Variants in SH3TC1 observed in about 807,000 individuals in gnomAD.
SH3TC1 encodes the protein SH3 domain and tetratricopeptide repeats 1, also known as SH3 domain and tetratricopeptide repeat-containing protein 1.
Under a neutral mutation model 117.3 loss-of-function variants are expected in SH3TC1, and 135 were observed. The ratio of observed to expected loss-of-function variants is 1.15; its 90% CI spans 1.00 to 1.33. The LOEUF is 1.33. SH3TC1 is among the 40% of genes most tolerant of loss of function. The probability of loss-of-function intolerance (pLI) is 0.00; values close to 1 mark genes in which losing one functional copy is unlikely to be tolerated. For missense variants in SH3TC1, 2,092 were observed against 1,794.3 expected (o/e 1.17, Z -3.00); for synonymous variants, 898 against 816.9 (o/e 1.10, Z -1.69).
intron 1 of SH3TC1, among the ~76,000 whole-genome samples, chr4:8,201,878 A>G (rs1328882527): frequency 6.6e-6 from 1 of 152,118 alleles, no homozygotes; most frequent in East Asian, 1.9e-4. Context: ...TGTCCCGGGC[A>G]TCAGCCAGTG....
intron 1 of SH3TC1, among the ~76,000 whole-genome samples, chr4:8,189,911 G>T (rs1038465122): frequency 6.6e-6 from 1 of 152,190 alleles, no homozygotes; most frequent in Admixed American, 6.5e-5. Flanking sequence ...CAAAGGGTGT[G>T]GTCAGCGGGT....
Position 8,227,150 on chromosome 4 carries a change from T to C in SH3TC1, c.1456T>C (p.Cys486Arg), listed in dbSNP as rs542478559. ...SLQDPEEPSF[C>R]LEAEDDWEDP... ...GCAGGACCCCGAGGAGCCCTCCTTC[T>C]GCTTGGAAGCCGAGGACGACTGGGA... Residue 486 changes from cysteine (C) to arginine (R), a missense_variant, in exon 12 of 18, where the codon TGC becomes CGC. By Grantham distance (180) the Cys-to-Arg change is radical. Transcript: ENST00000245105. 69 of 1,610,320 alleles carry C rather than the reference T, an allele frequency of 4.3e-5. 1 individual carries two copies. The South Asian group carries it at 6.6e-4, about 15-fold the overall frequency.
At chr4:8,232,297 GCT>G in intron 13 of SH3TC1, 141 bp downstream of exon 13, 1 of 1,467,628 alleles carries the variant, frequency 6.8e-7, no homozygotes, top group Non-Finnish European at 9.2e-7. Context: ...GATGCTCTGA[GCT>G]GGGGGGCCTG....
intron 13 of SH3TC1, chr4:8,232,403 CA>C (rs1721319081): frequency 6.4e-7 from 1 of 1,574,378 alleles, no homozygotes; most frequent in Non-Finnish European, 8.6e-7. Flanking sequence ...CACACCTCCC[CA>C]AAGGTCATCT....
In SH3TC1 at chr4:8,228,619, C is replaced by T. The variant is rs376880803; in HGVS notation, c.2925C>T (p.Val975=). The T allele has an allele frequency of 5.7e-5, 87 of 1,522,582 alleles. No homozygotes were observed. The African/African-American group carries it at 7.1e-4, about 13-fold the overall frequency. 94.3% of individuals were successfully genotyped at this position (1,522,582 alleles called of 1,614,324 possible). The part of the protein sequence containing the change: ...GKGYYEWALL[V]AVEMGHVESQ... ...GCTACTACGAGTGGGCCCTTCTGGT[C>T]GCCGTGGAGATGGGCCACGTGGAGA... is the stretch of plus-strand genomic sequence containing the variant. The change falls in exon 12 of 18, where the codon GTC becomes GTT. Residue 975 remains valine (V), a synonymous_variant. Transcript: ENST00000245105.
intron 17 of SH3TC1, among the ~76,000 whole-genome samples, chr4:8,239,458 GCACACAGGCATATGCACACATAGGCA>G (rs1722135951): frequency 6.8e-6 from 1 of 146,704 alleles, no homozygotes; most frequent in African/African-American, 2.5e-5. Flanking sequence ...ACACGCAGAT[GCACACAGGCATATGCACACATAGGCA>G]CACACAGGCA....
intron 14 of SH3TC1, among the ~76,000 whole-genome samples, chr4:8,234,124 TCATCCATCCATTTATCCATTCATCCATC>T (rs1175261759): frequency 1.3e-5 from 2 of 148,438 alleles, no homozygotes; most frequent in African/African-American, 5.0e-5. Flanking sequence ...GATCCTTCCA[TCATCCATCCATTTATCCATTCATCCATC>T]CATCCATCCT....
rs1419185659 is a variant in SH3TC1 at position 8,183,621 on chromosome 4, C to A, written c.-57+1411C>A. Among the ~76,000 whole-genome samples the A allele has an allele frequency of 6.6e-6, 1 of 152,218 alleles. No individual in the cohort carries two copies. Among genetic ancestry groups the A allele is most frequent in the Admixed American group, 6.5e-5 (1 of 15,282 alleles). On this transcript the variant is annotated intron_variant, in intron 1 of 16. Coordinates refer to the SH3TC1 transcript ENST00000508641. The surrounding 1 kb of genome is among the most constrained non-coding windows in gnomAD (Gnocchi z 5.4). ...TGTTTTTCTTTTAATAGACTGAATT[C>A]TTTGGAATCCTCTTAGATTTACAAA...
rs1718440399 is a variant in SH3TC1 at position 8,209,130 on chromosome 4, C to T, written c.173-618C>T. On this transcript the variant is annotated intron_variant, in intron 2 of 17. Coordinates refer to ENST00000245105, the MANE Select transcript of SH3TC1 (RefSeq NM_018986.5). This position sits in a 1 kb window ranked among gnomAD's most constrained non-coding sequence, Gnocchi z 5.9. ...GTGAGGCTGAGCCCGTCTGTGGGCT[C>T]AGATAAAGTCCTCCAAAGATGCCCA... Among the ~76,000 whole-genome samples the T allele has an allele frequency of 6.6e-6, 1 of 152,194 alleles. No individual in the cohort carries two copies. The highest frequency in any genetic ancestry group is 1.5e-5 in the Non-Finnish European group (1 of 68,038).
intron 7 of SH3TC1, among the ~76,000 whole-genome samples, chr4:8,217,509 A>G (rs1719420186): frequency 3.9e-5 from 6 of 152,258 alleles, no homozygotes; most frequent in Admixed American, 3.9e-4. Context: ...GAGAAGGCAC[A>G]CGGGACCCAC....
chr4:8,201,705 A>T (rs1236594855), intron 1 of SH3TC1: 1 of 152,274 alleles, frequency 6.6e-6, no homozygotes, highest in African/African-American at 2.4e-5. Context: ...GCTTAGGGTT[A>T]TAACAGCAGG....
chr4:8,199,763 G>A (rs762952898), intron 1 of SH3TC1, among the ~76,000 whole-genome samples: 10 of 152,212 alleles, frequency 6.6e-5, no homozygotes, highest in East Asian at 3.9e-4. Context: ...CAAGTCCAGC[G>A]GATCTCAGGT....
At chr4:8,240,495 T>C (rs962594149) in intron 17 of SH3TC1, among the ~76,000 whole-genome samples, 9 of 152,066 alleles carry the variant, frequency 5.9e-5, no homozygotes, top group African/African-American at 2.2e-4. Context: ...GAGTGGGGTG[T>C]AGGGACAATC....
intron 16 of SH3TC1, 82 bp from the exon 17 acceptor site, chr4:8,237,392 G>A (rs1721912950): frequency 8.0e-6 from 10 of 1,247,920 alleles, no homozygotes; most frequent in South Asian, 1.7e-5. Flanking sequence ...AGTGCCTGGA[G>A]GCGAGCCAGG....
chr4:8,189,440 C>A (rs949481870), intron 1 of SH3TC1, among the ~76,000 whole-genome samples: 6 of 152,184 alleles, frequency 3.9e-5, no homozygotes, highest in African/African-American at 1.4e-4. Context: ...AGGCAACACA[C>A]CGCCGTCACA....
At position 8,192,138 on chromosome 4, in the gene SH3TC1, T is replaced by C. The variant is rs12505145; in HGVS notation, c.-57+9928T>C. 0.18 allele frequency among the ~76,000 whole-genome samples: 27,996 copies of C among 151,946 alleles called. 2,675 individuals are homozygous for C. The highest frequency in any genetic ancestry group is 0.27 in the South Asian group (1,289 of 4,798). Reference sequence around the variant, plus strand: ...CCAAGTAGCTAAGATTACAGGCACCTGCCACCACACTCAGCTAATTTTTGT... The same window carrying C: ...CCAAGTAGCTAAGATTACAGGCACCCGCCACCACACTCAGCTAATTTTTGT... On this transcript the variant is annotated intron_variant, in intron 1 of 16. Transcript: ENST00000508641. The surrounding 1 kb of genome is among the most constrained non-coding windows in gnomAD (Gnocchi z 4.1).
chr4:8,233,314 G>C, intron 13 of SH3TC1, 49 bp from the exon 14 acceptor site: 1 of 1,560,072 alleles, frequency 6.4e-7, no homozygotes, highest in Non-Finnish European at 8.7e-7. Context: ...AGGCAGACTG[G>C]TTCCAGGAGG....
chr4:8,209,514 T>G lies in SH3TC1; in HGVS notation c.173-234T>G. 1 of 805,598 alleles carries G rather than the reference T, an allele frequency of 1.2e-6. No homozygotes were observed. The highest frequency in any genetic ancestry group is 2.0e-6 in the Non-Finnish European group (1 of 510,808). 49.9% of individuals were successfully genotyped at this position (805,598 alleles called of 1,614,324 possible). On this transcript the variant is annotated intron_variant, in intron 2 of 17. Coordinates refer to ENST00000245105, the MANE Select transcript of SH3TC1 (RefSeq NM_018986.5). The surrounding 1 kb of genome is among the most constrained non-coding windows in gnomAD (Gnocchi z 5.9). ...GAGCGGCGGGATCATACGAGTCGTG[T>G]GGTCTTAAGCCTCTGAGTGTGGGGC...
rs566552104 is a variant in SH3TC1 at position 8,216,349 on chromosome 4, T to G, written c.628+92T>G. 3.3e-6 allele frequency: 5 copies of G among 1,506,636 alleles called. No homozygotes were observed. In the East Asian group the frequency reaches 1.2e-4, roughly 36 times the overall value. 93.3% of individuals were successfully genotyped at this position (1,506,636 alleles called of 1,614,324 possible). A position where few individuals can be genotyped will look rare whatever the true frequency, so the allele number is the denominator to read the frequency against. On this transcript the variant is annotated intron_variant, in intron 6 of 17. Coordinates refer to ENST00000245105, the MANE Select transcript of SH3TC1 (RefSeq NM_018986.5). ...AGCCTGGATCCCGCTGTGCTGAGCA[T>G]GTCTGGGGCTGTGGGCTGCGGAGCC... is the stretch of plus-strand genomic sequence containing the variant.
Sources: allele counts gnomAD v4.1 joint callset (sites outside exome capture counted in the v4.1 genomes callset), GRCh38; gene constraint gnomAD v4.1.1; non-coding constraint Gnocchi (gnomAD v3.1); transcripts MANE v1.5; gene names NCBI Gene and HGNC (gene_info 2026-07-23, HGNC 2026-07-21).